Variants in CABP5 observed in about 807,000 individuals in gnomAD.
The protein encoded by CABP5 is calcium-binding protein 5.
CABP5 carries 17 observed loss-of-function variants against 21.9 expected under a neutral mutation model. That is an observed-to-expected ratio of 0.78 (90% CI 0.53 to 1.17). CABP5 has a LOEUF of 1.17. Ranked by LOEUF, CABP5 falls within the 50% of genes most tolerant of loss-of-function variation. The pLI, the probability that CABP5 is intolerant of heterozygous loss-of-function variation, is 0.00. For missense variants in CABP5, 229 were observed against 228.9 expected (o/e 1.00, Z 0.00); for synonymous variants, 85 against 79.4 (o/e 1.07, Z -0.37).
chr19:48,039,282 G>T lies in CABP5; in HGVS notation c.274C>A (p.Leu92Met). 2 of 1,614,082 alleles carry T rather than the reference G, an allele frequency of 1.2e-6. No individual in the cohort carries two copies. The highest frequency in any genetic ancestry group is 1.7e-6 in the Non-Finnish European group (2 of 1,179,998). Residue 92 changes from leucine to methionine, a missense_variant, in exon 4 of 6, where the codon CTG becomes ATG. Coordinates refer to ENST00000293255, the MANE Select transcript of CABP5 (RefSeq NM_019855.5). ...TCTGCAAGCAATTTGGGGGTCATCA[G>T]CTCCACAAAGTCATCAAAGTCTACA... ...GRVDFDDFVE[L>M]MTPKLLAETA...
At chr19:48,042,184 T>C (rs963864189) in intron 1 of CABP5, among the ~76,000 whole-genome samples, 16 of 152,120 alleles carry the variant, frequency 1.1e-4, no homozygotes, top group African/African-American at 3.9e-4. Flanking sequence ...GACACAGTAT[T>C]GGGATTTGAA....
intron 5 of CABP5, among the ~76,000 whole-genome samples, chr19:48,033,440 G>T (rs937942040): frequency 6.6e-6 from 1 of 152,206 alleles, no homozygotes; most frequent in African/African-American, 2.4e-5. Context: ...TAGTGATGAT[G>T]AAGGAATTGG....
intron 3 of CABP5, among the ~76,000 whole-genome samples, chr19:48,040,014 G>A (rs73943517): frequency 0.13 from 19,101 of 151,872 alleles, 1,434 homozygotes; most frequent in African/African-American, 0.2. Context: ...GAGACACTGC[G>A]CCCAGCCTCA....
At chr19:48,035,176 T>C (rs973053329) in intron 4 of CABP5, among the ~76,000 whole-genome samples, 5 of 152,228 alleles carry the variant, frequency 3.3e-5, no homozygotes, top group African/African-American at 9.6e-5. Context: ...TTGCATGAGT[T>C]CAATTTTTTA....
At chr19:48,041,304 T>C (rs1967479248) in intron 2 of CABP5, 3 of 488,464 alleles carry the variant, frequency 6.1e-6, no homozygotes, top group Non-Finnish European at 1.1e-5. Flanking sequence ...GATGAAGTTA[T>C]GGGGAACCTC....
intron 4 of CABP5, among the ~76,000 whole-genome samples, chr19:48,036,220 T>G (rs529917120): frequency 6.6e-6 from 1 of 152,162 alleles, no homozygotes; most frequent in African/African-American, 2.4e-5. Flanking sequence ...AAAAAATGTG[T>G]CAGTAGTGCC....
chr19:48,039,827 C>T (rs1967458694), intron 3 of CABP5, among the ~76,000 whole-genome samples: 1 of 142,396 alleles, frequency 7.0e-6, no homozygotes, highest in African/African-American at 2.6e-5. Context: ...GATTCTCGTA[C>T]CTTAGCCTCC....
chr19:48,042,759 G>C (rs557273519), intron 1 of CABP5, among the ~76,000 whole-genome samples: 47 of 152,022 alleles, frequency 3.1e-4, no homozygotes, highest in African/African-American at 8.9e-4. Flanking sequence ...ATTTCTAATA[G>C]AGACAGGGTT....
intron 3 of CABP5, 90 bp downstream of exon 3, chr19:48,040,515 C>T: frequency 7.1e-7 from 1 of 1,403,916 alleles, no homozygotes; most frequent in Non-Finnish European, 9.9e-7. Flanking sequence ...CCTCTCCACC[C>T]CCAACTCTAC....
intron 2 of CABP5, among the ~76,000 whole-genome samples, chr19:48,040,955 TCAC>T (rs1967474191): frequency 6.6e-6 from 1 of 151,998 alleles, no homozygotes. Flanking sequence ...GGTGGGTGGA[TCAC>T]CTGAGGTGAG....
chr19:48,041,593 A>G lies in CABP5; in HGVS notation c.74T>C (p.Leu25Pro). The G allele has an allele frequency of 6.2e-7, 1 of 1,611,428 alleles. No individual in the cohort carries two copies. Among genetic ancestry groups the G allele is most frequent in the Non-Finnish European group, 8.5e-7 (1 of 1,179,232 alleles). Residue 25 changes from leucine (L) to proline (P), a missense_variant, in exon 2 of 6, where the codon CTG (leucine) becomes CCG (proline). Physicochemically the swap from Leu to Pro is moderately conservative, Grantham distance 98. Coordinates refer to ENST00000293255, the MANE Select transcript of CABP5 (RefSeq NM_019855.5). ...GIAEKQRERP[L>P]GQDEIEELRE... ...GTTACCTTCAATCTCATCTTGTCCC[A>G]GTGGTCTTTCCTGGAAAGGAATGCA...
Position 48,039,375 on chromosome 19 carries a change from C to T in CABP5, c.239-58G>A. The stretch of plus-strand genomic sequence containing the variant: ...CACAAGCCCTGGCCTTCCATTACCT[C>T]ACTTTGTGCTTCGAGTCAGTTAGAT... On this transcript the variant is annotated intron_variant, in intron 3 of 5. Coordinates refer to ENST00000293255, the MANE Select transcript of CABP5 (RefSeq NM_019855.5). The T allele has an allele frequency of 2.2e-6, 3 of 1,340,740 alleles. No individual in the cohort carries two copies. In the South Asian group the frequency reaches 3.5e-5, roughly 16 times the overall value. The allele number at this position is 1,340,740 out of a possible 1,614,324, so 83.1% of individuals were successfully genotyped here.
chr19:48,029,503 C>T lies in CABP5; in HGVS notation c.*1054G>A, dbSNP rs555635496. Among the ~76,000 whole-genome samples, 36 of 152,054 alleles carry T rather than the reference C, an allele frequency of 2.4e-4. No homozygotes were observed. The highest frequency in any genetic ancestry group is 1.5e-3 in the South Asian group (7 of 4,804). On this transcript the variant is annotated 3_prime_UTR_variant, in exon 6 of 6. Coordinates refer to ENST00000293255, the MANE Select transcript of CABP5 (RefSeq NM_019855.5). ...TTCATGGCACAGATCGATGTCAGGA[C>T]GTGAGGGACGGAACAGACGACCCAT...
In CABP5 at chr19:48,029,794, CAGACAGAGAGAGAG is replaced by C. The variant is rs991544745; in HGVS notation, c.*749_*762del. Among the ~76,000 whole-genome samples, 5 of 85,370 alleles carry C rather than the reference CAGACAGAGAGAGAG, an allele frequency of 5.9e-5. No individual in the cohort carries two copies. The highest frequency in any genetic ancestry group is 1.2e-4 in the African/African-American group (3 of 24,900). The allele number at this position is 85,370 out of a possible 152,430, so 56.0% of individuals were successfully genotyped here. A position where few individuals can be genotyped will look rare whatever the true frequency, so the allele number is the denominator to read the frequency against. On this transcript the variant is annotated 3_prime_UTR_variant, in exon 6 of 6. Transcript: ENST00000293255. ...ATGTGGGAGGGGAGACAGAGACAGA[CAGACAGAGAGAGAG>C]AGAGAGAGAGAGAGAGAGAGAGAGA...
chr19:48,039,183 C>T (rs1967448553), intron 4 of CABP5, 25 bp downstream of exon 4: 2 of 1,570,924 alleles, frequency 1.3e-6, no homozygotes, highest in Non-Finnish European at 1.8e-6. Flanking sequence ...CTACCATCAC[C>T]AGCACCATGA....
At chr19:48,034,492 C>T (rs1011548680) in intron 4 of CABP5, 130 bp from the exon 5 acceptor site, 4 of 526,512 alleles carry the variant, frequency 7.6e-6, no homozygotes, top group Non-Finnish European at 6.1e-6. Flanking sequence ...GCCACTAGAA[C>T]GTCAGCTCCA....
intron 2 of CABP5, 115 bp from the exon 3 acceptor site, chr19:48,040,863 AGAAACAAAAC>A (rs139505728): frequency 0.099 from 103,856 of 1,044,098 alleles, 5,692 homozygotes; most frequent in South Asian, 0.14. Context: ...AGCGTACATT[AGAAACAAAAC>A]AAAACAAAAC....
intron 5 of CABP5, among the ~76,000 whole-genome samples, chr19:48,032,410 A>C (rs1600121054): frequency 6.7e-6 from 1 of 150,044 alleles, no homozygotes; most frequent in African/African-American, 2.5e-5. Context: ...TCTCACTGCA[A>C]CCTCCGCCTC....
At chr19:48,037,975 T>C (rs1008613392) in intron 4 of CABP5, among the ~76,000 whole-genome samples, 1 of 152,184 alleles carries the variant, frequency 6.6e-6, no homozygotes, top group African/African-American at 2.4e-5. Flanking sequence ...AATGCAATGG[T>C]GCGATCTCAG....
Sources: allele counts gnomAD v4.1 joint callset (sites outside exome capture counted in the v4.1 genomes callset), GRCh38; gene constraint gnomAD v4.1.1; transcripts MANE v1.5; gene names NCBI Gene and HGNC (gene_info 2026-07-23, HGNC 2026-07-21).